BOD1L1: variants seen among roughly 807,000 people sequenced by gnomAD.
BOD1L1 encodes biorientation of chromosomes in cell division 1 like 1.
BOD1L1 carries 86 observed loss-of-function variants against 240.7 expected under a neutral mutation model. The observed-to-expected ratio is 0.36, with a 90% CI of 0.30 to 0.43. The LOEUF (loss-of-function observed/expected upper bound fraction) is 0.43. Ranked by LOEUF, BOD1L1 falls within the 20% of genes least tolerant of loss-of-function variation. The pLI is 1.00. For synonymous variants in BOD1L1, 1,268 were observed against 1,272.3 expected (o/e 1.00, Z 0.07); for missense variants, 3,554 against 3,643.5 (o/e 0.98, Z 0.63).
At chr4:13,582,548 T>C (rs1713317872) in intron 18 of BOD1L1, 104 bp downstream of exon 18, 1 of 875,304 alleles carries the variant, frequency 1.1e-6, no homozygotes, top group Non-Finnish European at 1.8e-6. Context: ...TGAGGCACTT[T>C]ATTACACAGG....
At chr4:13,615,550 T>G (rs771959749) in intron 2 of BOD1L1, 48 bp from the exon 3 acceptor site, 1 of 1,489,314 alleles carries the variant, frequency 6.7e-7, no homozygotes, top group South Asian at 1.3e-5. Flanking sequence ...AATATATTAT[T>G]TGCATTAATT....
intron 19 of BOD1L1, among the ~76,000 whole-genome samples, chr4:13,581,875 C>G (rs1713261000): frequency 6.6e-6 from 1 of 152,176 alleles, no homozygotes; most frequent in African/African-American, 2.4e-5. Context: ...CTATTTCATC[C>G]TAGCTGGACT....
chr4:13,611,196 T>C (rs1419495297), intron 5 of BOD1L1, 96 bp from the exon 6 acceptor site: 1 of 792,190 alleles, frequency 1.3e-6, no homozygotes. Context: ...GAATTGGAGG[T>C]CCAAAAGGGG....
At chr4:13,614,115 A>T in intron 4 of BOD1L1, 81 bp downstream of exon 4, 1 of 1,247,508 alleles carries the variant, frequency 8.0e-7, no homozygotes, top group Non-Finnish European at 1.1e-6. Context: ...TTATTAAAAT[A>T]TGAAGGCAAA....
At chr4:13,607,686 G>T (rs970279522) in intron 8 of BOD1L1, among the ~76,000 whole-genome samples, 1 of 152,160 alleles carries the variant, frequency 6.6e-6, no homozygotes, top group Non-Finnish European at 1.5e-5. Context: ...ACAAAGGAGA[G>T]CACAATCCCA....
At position 13,598,443 on chromosome 4, in the gene BOD1L1, C is replaced by T. The variant is rs186449596; in HGVS notation, c.7954+503G>A. On this transcript the variant is annotated intron_variant, in intron 10 of 25. Transcript: ENST00000040738. ...CCCGTCTTATTATCCCCATTTTATA[C>T]AACAAGAAATGGAGGCTCAGAAACT... 2.7e-3 allele frequency among the ~76,000 whole-genome samples: 416 copies of T among 152,208 alleles called. 1 individual carries two copies. The highest frequency in any genetic ancestry group is 0.014 in the Middle Eastern group (4 of 294).
Position 13,582,261 on chromosome 4 carries a change from A to G in BOD1L1, c.8568T>C (p.Asp2856=), listed in dbSNP as rs1427202817. The change falls in exon 19 of 26, where the codon GAT becomes GAC. Residue 2856 remains aspartate, a synonymous_variant. Coordinates refer to ENST00000040738, the MANE Select transcript of BOD1L1 (RefSeq NM_148894.3). ...CCTCCTGAGATTTTATGGTGTCATC[A>G]TCGTTCTGCTCTGGCTTTTCACCAG... is the stretch of plus-strand genomic sequence containing the variant. ...ETTGEKPEQN[D]DDTIKSQEED... is the part of the protein sequence containing the mutation. 3.1e-6 allele frequency: 5 copies of G among 1,613,614 alleles called. No homozygotes were observed. In the Admixed American group the frequency reaches 5.0e-5, roughly 16 times the overall value.
rs1035015360 is a variant in BOD1L1, at chr4:13,569,422, C to T, written c.*589G>A. ...CTAAACTACTTTACTTGGATACATGCGAGTTTCTGCCAGATCATATTAAGA... is the reference window on the plus strand; with the variant it reads ...CTAAACTACTTTACTTGGATACATGTGAGTTTCTGCCAGATCATATTAAGA... On this transcript the variant is annotated 3_prime_UTR_variant, in exon 26 of 26. Transcript: ENST00000040738. 2.6e-5 allele frequency: 4 copies of T among 152,052 alleles called. No homozygotes were observed. The highest frequency in any genetic ancestry group is 4.8e-5 in the African/African-American group (2 of 41,392). The allele number at this position is 152,052 out of a possible 1,614,324, so 9.4% of individuals were successfully genotyped here.
Position 13,627,703 on chromosome 4 carries a change from G to C in BOD1L1, c.-116C>G. 1 of 920,308 alleles carries C rather than the reference G, an allele frequency of 1.1e-6. No homozygotes were observed. The highest frequency in any genetic ancestry group is 1.3e-6 in the Non-Finnish European group (1 of 765,596). 57.0% of individuals were successfully genotyped at this position (920,308 alleles called of 1,614,324 possible). A position where few individuals can be genotyped will look rare whatever the true frequency, so the allele number is the denominator to read the frequency against. On this transcript the variant is annotated 5_prime_UTR_variant, in exon 1 of 26. Transcript: ENST00000040738. ...AACGGGATGTTGTTACGGAACCAGC[G>C]GATCCAGAGCAACCCCGGAAGTGAA... is the stretch of plus-strand genomic sequence containing the variant.
intron 12 of BOD1L1, among the ~76,000 whole-genome samples, chr4:13,595,025 G>A (rs1331713360): frequency 2.6e-5 from 4 of 152,268 alleles, no homozygotes; most frequent in African/African-American, 4.8e-5. Flanking sequence ...AAACAGATAC[G>A]AGAAATAGCT....
chr4:13,586,246 T>C (rs567556567), intron 17 of BOD1L1, 150 bp downstream of exon 17: 9 of 430,376 alleles, frequency 2.1e-5, no homozygotes, highest in Admixed American at 4.3e-5. Context: ...GACTAAAAAA[T>C]AGACACCTTT....
At chr4:13,612,780 T>C (rs1180886981) in intron 5 of BOD1L1, among the ~76,000 whole-genome samples, 2 of 152,106 alleles carry the variant, frequency 1.3e-5, no homozygotes, top group Admixed American at 6.6e-5. Context: ...GGTCGGAGTG[T>C]TGGGTCATGG....
intron 16 of BOD1L1, among the ~76,000 whole-genome samples, chr4:13,586,945 GT>G (rs1713754004): frequency 6.6e-6 from 1 of 152,156 alleles, no homozygotes; most frequent in Non-Finnish European, 1.5e-5. Context: ...ATGGGAATGT[GT>G]ATAATGTACC....
rs774815061 is a variant in BOD1L1 at position 13,611,077 on chromosome 4, T to C, written c.1348A>G (p.Lys450Glu). Residue 450 changes from lysine (K) to glutamate (E), a missense_variant, in exon 6 of 26, where the codon AAA becomes GAA. Around this residue, in one of 2 missense-constraint regions of BOD1L1, gnomAD observed 3,393 missense variants for 3,427.1 expected, o/e 0.99. Coordinates refer to ENST00000040738, the MANE Select transcript of BOD1L1 (RefSeq NM_148894.3). ...GAATCACTAGTTTGAGTTTTTGTTT[T>C]ATTCTGTTTGTTCTTCTCTTCATCT... ...SDDEEKNKQN[K>E]TKTQTSDSSE... 20 of 1,608,052 alleles carry C rather than the reference T, an allele frequency of 1.2e-5. No homozygotes were observed. The highest frequency in any genetic ancestry group is 1.6e-5 in the Non-Finnish European group (19 of 1,176,328).
In BOD1L1 at chr4:13,608,776, T is replaced by G. The variant is rs566284209; in HGVS notation, c.1604-108A>C. Reference sequence around the variant, plus strand: ...AATCATTGTTAAAGCCAAAATGGCTTTAATATTCTTAAGTTGTGCTGGAAT... The same window carrying G: ...AATCATTGTTAAAGCCAAAATGGCTGTAATATTCTTAAGTTGTGCTGGAAT... On this transcript the variant is annotated intron_variant, in intron 7 of 25. Transcript: ENST00000040738. The G allele has an allele frequency of 4.7e-5, 41 of 870,164 alleles. No homozygotes were observed. In the African/African-American group the frequency reaches 5.8e-4, roughly 12 times the overall value. The allele number at this position is 870,164 out of a possible 1,614,324, so 53.9% of individuals were successfully genotyped here. A position where few individuals can be genotyped will look rare whatever the true frequency, so the allele number is the denominator to read the frequency against.
chr4:13,582,517 T>TA (rs1713316694), intron 18 of BOD1L1, 135 bp downstream of exon 18: 1 of 722,996 alleles, frequency 1.4e-6, no homozygotes, highest in African/African-American at 1.8e-5. Flanking sequence ...AATGATTCCC[T>TA]AGCCCTATTA....
intron 11 of BOD1L1, among the ~76,000 whole-genome samples, chr4:13,596,632 A>G (rs1714643736): frequency 1.3e-5 from 2 of 151,928 alleles, no homozygotes; most frequent in Admixed American, 1.3e-4. Context: ...GGAAGCCACC[A>G]CAAATTTTAA....
intron 2 of BOD1L1, among the ~76,000 whole-genome samples, chr4:13,617,196 G>A (rs1248448916): frequency 7.2e-6 from 1 of 138,304 alleles, no homozygotes; most frequent in Non-Finnish European, 1.5e-5. Context: ...AGTGAGCTGA[G>A]ATGGCACCAC....
intron 21 of BOD1L1, among the ~76,000 whole-genome samples, chr4:13,580,731 A>G (rs1713161332): frequency 6.6e-6 from 1 of 152,242 alleles, no homozygotes; most frequent in African/African-American, 2.4e-5. Flanking sequence ...TCAAAATCTT[A>G]TAAAATAGCT....
Sources: gnomAD v4.1 joint callset for allele counts (sites outside exome capture counted in the v4.1 genomes callset) on GRCh38, gnomAD v4.1.1 for gene constraint, gnomAD v4.1.1 regional missense constraint, MANE v1.5 for transcripts, NCBI Gene and HGNC (gene_info 2026-07-23, HGNC 2026-07-21) for gene names.